Variants in GRIK3 observed in about 807,000 individuals in gnomAD.
GRIK3 encodes glutamate receptor ionotropic, kainate 3.
In GRIK3, 29 loss-of-function variants were observed where a neutral mutation model predicts 102.5. That is an observed-to-expected ratio of 0.28 (90% CI 0.21 to 0.39). The LOEUF (loss-of-function observed/expected upper bound fraction) is 0.39. GRIK3 is among the 10% of genes least tolerant of loss of function. The probability of loss-of-function intolerance (pLI) is 1.00; values close to 1 mark genes in which losing one functional copy is unlikely to be tolerated. For synonymous variants in GRIK3, 511 were observed against 504.9 expected, an observed-to-expected ratio of 1.01 and a Z score of -0.16; for missense variants, 908 against 1,252.4, an observed-to-expected ratio of 0.73 and a Z score of 4.15.
At chr1:36,904,088 T>C (rs1641259370) in intron 1 of GRIK3, among the ~76,000 whole-genome samples, 3 of 152,190 alleles carry the variant, frequency 2.0e-5, no homozygotes, top group Admixed American at 2.0e-4. Context: ...ATGGGAAATC[T>C]CCGTGCCTTC....
At chr1:36,969,856 G>T (rs1029271270) in intron 1 of GRIK3, among the ~76,000 whole-genome samples, 1 of 152,210 alleles carries the variant, frequency 6.6e-6, no homozygotes, top group Admixed American at 6.5e-5. Context: ...ATGAGGATGC[G>T]AATGGACAGA....
Position 36,969,410 on chromosome 1 carries a change from A to G in GRIK3, c.115+64584T>C, listed in dbSNP as rs77247250. The stretch of plus-strand genomic sequence containing the variant: ...GGTTTTGGTTTTGTTTGGTTTTTGG[A>G]AGCAAGTTTGATCTTGACAAATTAA... On this transcript the variant is annotated intron_variant, in intron 1 of 15. Transcript: ENST00000373091. Among the ~76,000 whole-genome samples, 451 of 152,362 alleles carry G rather than the reference A, an allele frequency of 3.0e-3. 2 individuals carry two copies. Among genetic ancestry groups the G allele is most frequent in the African/African-American group, 0.01 (436 of 41,588 alleles).
intron 1 of GRIK3, among the ~76,000 whole-genome samples, chr1:36,989,495 G>A (rs1642342131): frequency 6.6e-6 from 1 of 152,242 alleles, no homozygotes; most frequent in African/African-American, 2.4e-5. Flanking sequence ...AGGAGGTCAA[G>A]GTTACCCTGA....
At position 36,850,953 on chromosome 1, in the gene GRIK3, T is replaced by C. The variant is rs1440691981; in HGVS notation, c.1213-529A>G. ...AGACACACAGACTAAGGTAGAATAA[T>C]CTCTCTCTCTACAGCGTCCTTGTGG... On this transcript the variant is annotated intron_variant, in intron 8 of 15. Transcript: ENST00000373091. This position sits in a 1 kb window ranked among gnomAD's most constrained non-coding sequence, Gnocchi z 4.0. Among the ~76,000 whole-genome samples, 3 of 152,172 alleles carry C rather than the reference T, an allele frequency of 2.0e-5. No homozygotes were observed. Among genetic ancestry groups the C allele is most frequent in the Non-Finnish European group, 4.4e-5 (3 of 68,044 alleles).
chr1:36,819,802 C>T lies in GRIK3; in HGVS notation c.1807G>A (p.Val603Met), dbSNP rs764004217. 1.4e-5 allele frequency: 23 copies of T among 1,606,446 alleles called. No individual in the cohort carries two copies. Among genetic ancestry groups the T allele is most frequent in the East Asian group, 2.2e-5 (1 of 44,810 alleles). ...AGCAGAGTGAAGTTATTTTCCACCA[C>T]CTCGGAGCCAGGGTTGCAGGGGTGA... ...DAHPCNPGSE[V>M]VENNFTLLNS... The change falls in exon 12 of 16, where the codon GTG (valine) becomes ATG (methionine). Residue 603 changes from valine to methionine, a missense_variant. Physicochemically the swap from Val to Met is conservative, Grantham distance 21 (BLOSUM62 1). Coordinates refer to ENST00000373091, the MANE Select transcript of GRIK3 (RefSeq NM_000831.4). This position sits in a 1 kb window ranked among gnomAD's most constrained non-coding sequence, Gnocchi z 4.1.
intron 1 of GRIK3, among the ~76,000 whole-genome samples, chr1:36,938,468 G>A (rs1161481543): frequency 3.3e-5 from 5 of 152,206 alleles, no homozygotes; most frequent in African/African-American, 4.8e-5. Flanking sequence ...AGTAGTGTCA[G>A]TCAGAAATGC....
intron 1 of GRIK3, among the ~76,000 whole-genome samples, chr1:36,926,966 C>T (rs1026888794): frequency 1.3e-5 from 2 of 152,186 alleles, no homozygotes; most frequent in South Asian, 2.1e-4. Flanking sequence ...TAGAGCTACA[C>T]GGTGAAGCTC....
chr1:37,013,768 C>A (rs975097308), intron 1 of GRIK3, among the ~76,000 whole-genome samples: 1 of 152,186 alleles, frequency 6.6e-6, no homozygotes, highest in African/African-American at 2.4e-5. Flanking sequence ...TGAGGCTGAG[C>A]CCTGAAGCCT....
At chr1:36,902,868 C>T (rs1328235628) in intron 1 of GRIK3, among the ~76,000 whole-genome samples, 3 of 152,222 alleles carry the variant, frequency 2.0e-5, no homozygotes, top group African/African-American at 7.2e-5. Flanking sequence ...TGGCTCACTG[C>T]AACCCCTGCC....
intron 15 of GRIK3, 49 bp downstream of exon 15, chr1:36,804,938 G>A (rs369751433): frequency 3.1e-5 from 49 of 1,600,472 alleles, no homozygotes; most frequent in Admixed American, 1.5e-4. Context: ...TGAAATCAGC[G>A]CGAATCTCCA....
In GRIK3 at chr1:36,959,720, G is replaced by A. The variant is rs1247030108; in HGVS notation, c.116-68624C>T. On this transcript the variant is annotated intron_variant, in intron 1 of 15. Transcript: ENST00000373091. ...CCCCTTGAGCCTGTGTGCTTTGTGAGTCGGTGTGTCCCATGAGTCTGTGCG... is the reference window on the plus strand; with the variant it reads ...CCCCTTGAGCCTGTGTGCTTTGTGAATCGGTGTGTCCCATGAGTCTGTGCG... Among the ~76,000 whole-genome samples the A allele has an allele frequency of 1.7e-5, 2 of 119,844 alleles. 1 individual carries two copies. Among genetic ancestry groups the A allele is most frequent in the Non-Finnish European group, 3.7e-5 (2 of 54,490 alleles). 78.6% of individuals were successfully genotyped at this position (119,844 alleles called of 152,430 possible).
chr1:36,859,401 G>A (rs889979238), intron 6 of GRIK3, 150 bp from the exon 7 acceptor site: 14 of 817,698 alleles, frequency 1.7e-5, no homozygotes, highest in Non-Finnish European at 2.1e-5. Context: ...CTCTGTCTAC[G>A]CCTCTGAGGA....
chr1:36,843,697 C>T (rs1033769341), intron 9 of GRIK3, among the ~76,000 whole-genome samples: 1 of 152,210 alleles, frequency 6.6e-6, no homozygotes, highest in Non-Finnish European at 1.5e-5. Flanking sequence ...TCCCCTGAGC[C>T]TCCTTCCTTC....
chr1:36,868,855 C>T (rs962173150), intron 5 of GRIK3, among the ~76,000 whole-genome samples: 2 of 152,180 alleles, frequency 1.3e-5, no homozygotes, highest in Admixed American at 6.5e-5. Context: ...CCTACGGGGT[C>T]ATAGATGCTG....
At chr1:36,975,953 A>T (rs1642191644) in intron 1 of GRIK3, among the ~76,000 whole-genome samples, 1 of 152,264 alleles carries the variant, frequency 6.6e-6, no homozygotes, top group Admixed American at 6.5e-5. Context: ...TCGAATGAGC[A>T]GGAAGGCCTC....
chr1:36,969,247 G>A (rs767967463), intron 1 of GRIK3, among the ~76,000 whole-genome samples: 2 of 152,192 alleles, frequency 1.3e-5, no homozygotes, highest in African/African-American at 2.4e-5. Flanking sequence ...AAACAACTCA[G>A]GGAGGTCACA....
At chr1:36,957,827 CTG>C (rs1641940089) in intron 1 of GRIK3, among the ~76,000 whole-genome samples, 1 of 121,766 alleles carries the variant, frequency 8.2e-6, no homozygotes, top group African/African-American at 3.4e-5. Flanking sequence ...TCCCGTGAGC[CTG>C]TGTGTCCCAT....
chr1:36,858,961 G>T, intron 7 of GRIK3, 147 bp downstream of exon 7: 1 of 699,584 alleles, frequency 1.4e-6, no homozygotes, highest in Non-Finnish European at 2.4e-6. Flanking sequence ...ATTTTCACAC[G>T]GGAAACTGAG....
chr1:36,946,437 C>T (rs3007629), intron 1 of GRIK3, among the ~76,000 whole-genome samples: 9,384 of 152,294 alleles, frequency 0.062, 949 homozygotes, highest in African/African-American at 0.21. Context: ...GAAGGATGCT[C>T]CAAGGGGCTG....
Sources: gnomAD v4.1 joint callset for allele counts (sites outside exome capture counted in the v4.1 genomes callset) on GRCh38, gnomAD v4.1.1 for gene constraint, Gnocchi (gnomAD v3.1) non-coding constraint, MANE v1.5 for transcripts, NCBI Gene and HGNC (gene_info 2026-07-23, HGNC 2026-07-21) for gene names.